AGBL1: variants seen among roughly 807,000 people sequenced by gnomAD.
AGBL1 encodes the protein cytosolic carboxypeptidase 4.
A neutral mutation model predicts 118.9 loss-of-function variants in AGBL1; 130 were observed. That is an observed-to-expected ratio of 1.09 (90% CI 0.95 to 1.26). The LOEUF is 1.26. AGBL1 is among the 50% of genes most tolerant of loss of function. The pLI is 0.00. For synonymous variants in AGBL1, 555 were observed against 478.9 expected (o/e 1.16, Z -2.08); for missense variants, 1,584 against 1,298.1 (o/e 1.22, Z -3.38).
chr15:86,569,414 A>G lies in AGBL1; in HGVS notation c.2994+14877A>G, dbSNP rs544805932. ...GTCTCAAAGAAAAAGAAAACAAGGA[A>G]AAAAAAAAAAAGAGAGAAATCCGGA... On this transcript the variant is annotated intron_variant, in intron 21 of 22. Coordinates refer to ENST00000614907, the MANE Select transcript of AGBL1 (RefSeq NM_001386094.1). 4.5e-3 allele frequency among the ~76,000 whole-genome samples: 667 copies of G among 149,800 alleles called. 11 individuals carry two copies. Among genetic ancestry groups the G allele is most frequent in the African/African-American group, 0.016 (635 of 40,672 alleles).
intron 23 of AGBL1, among the ~76,000 whole-genome samples, chr15:86,941,647 G>A (rs1259402342): frequency 1.3e-5 from 2 of 152,144 alleles, no homozygotes; most frequent in African/African-American, 4.8e-5. Flanking sequence ...TAGGCCCTTT[G>A]GAATTTGCTG....
At chr15:86,258,426 G>T (rs897375751) in intron 9 of AGBL1, among the ~76,000 whole-genome samples, 1 of 152,116 alleles carries the variant, frequency 6.6e-6, no homozygotes, top group African/African-American at 2.4e-5. Flanking sequence ...CTGCACAGGG[G>T]TGCTGCATTG....
chr15:86,839,391 C>G (rs554855049), intron 22 of AGBL1, among the ~76,000 whole-genome samples: 1 of 152,180 alleles, frequency 6.6e-6, no homozygotes, highest in Non-Finnish European at 1.5e-5. Context: ...TAGGGGCCCT[C>G]ATCCTCTGAA....
At chr15:86,986,443 A>G (rs1468300452) in intron 23 of AGBL1, among the ~76,000 whole-genome samples, 1 of 152,184 alleles carries the variant, frequency 6.6e-6, no homozygotes, top group Non-Finnish European at 1.5e-5. Flanking sequence ...GAAATCAGAT[A>G]GTCTTTCAAC....
chr15:86,791,631 G>T (rs1439843239), intron 22 of AGBL1, among the ~76,000 whole-genome samples: 4 of 151,784 alleles, frequency 2.6e-5, no homozygotes, highest in East Asian at 3.9e-4. Context: ...AGTTTCTTGG[G>T]TATCTAAATC....
chr15:86,484,168 T>G (rs1469088114), intron 18 of AGBL1, among the ~76,000 whole-genome samples: 2 of 152,082 alleles, frequency 1.3e-5, no homozygotes, highest in Non-Finnish European at 2.9e-5. Flanking sequence ...ATACTTTCTC[T>G]CCCCTCAAGC....
At chr15:86,420,918 T>A (rs1381434706) in intron 18 of AGBL1, among the ~76,000 whole-genome samples, 1 of 152,068 alleles carries the variant, frequency 6.6e-6, no homozygotes, top group East Asian at 1.9e-4. Context: ...GAAAAAAGAA[T>A]GAAAAGGAGT....
chr15:86,451,954 C>T (rs2082198659), intron 18 of AGBL1, among the ~76,000 whole-genome samples: 1 of 152,078 alleles, frequency 6.6e-6, no homozygotes, highest in Non-Finnish European at 1.5e-5. Flanking sequence ...TTGTCTTTTA[C>T]CAACATTGAT....
chr15:86,662,637 C>T (rs1221952520), intron 21 of AGBL1, among the ~76,000 whole-genome samples: 1 of 152,236 alleles, frequency 6.6e-6, no homozygotes, highest in African/African-American at 2.4e-5. Context: ...ATGCCACCTT[C>T]ATTGATAAAA....
At chr15:86,773,895 A>G (rs2078216304) in intron 22 of AGBL1, among the ~76,000 whole-genome samples, 1 of 152,124 alleles carries the variant, frequency 6.6e-6, no homozygotes, top group African/African-American at 2.4e-5. Flanking sequence ...AGCCTCTGAC[A>G]GATGGGAACC....
intron 22 of AGBL1, among the ~76,000 whole-genome samples, chr15:86,744,419 A>G (rs948056471): frequency 2.0e-5 from 3 of 152,118 alleles, no homozygotes; most frequent in Non-Finnish European, 4.4e-5. Context: ...GTGATCTGCT[A>G]TTGAAGCTGG....
At chr15:86,268,835 G>A (rs866189495) in intron 13 of AGBL1, among the ~76,000 whole-genome samples, 17 of 152,232 alleles carry the variant, frequency 1.1e-4, no homozygotes, top group Non-Finnish European at 7.4e-5. Context: ...CAAGCTCAGC[G>A]TTTCATAAAT....
In AGBL1 at chr15:86,217,535, A is replaced by T. The variant is rs1282832886; in HGVS notation, c.489-7379A>T. On this transcript the variant is annotated intron_variant, in intron 5 of 22. Transcript: ENST00000614907. ...CTAAATTGTGCAATGAGAAAAGAGGAAAAAAGGATGAATGTACCTAACAGA... is the reference window on the plus strand; with the variant it reads ...CTAAATTGTGCAATGAGAAAAGAGGTAAAAAGGATGAATGTACCTAACAGA... Among the ~76,000 whole-genome samples the T allele has an allele frequency of 2.0e-5, 3 of 152,196 alleles. No individual in the cohort carries two copies. The East Asian group carries it at 5.8e-4, about 29-fold the overall frequency.
At chr15:86,514,735 C>A (rs919556847) in intron 18 of AGBL1, among the ~76,000 whole-genome samples, 1 of 152,108 alleles carries the variant, frequency 6.6e-6, no homozygotes, top group Non-Finnish European at 1.5e-5. Context: ...CCCATGTCCA[C>A]CCCATGTCCA....
chr15:86,788,748 G>C (rs1190886290), intron 22 of AGBL1, among the ~76,000 whole-genome samples: 3 of 152,178 alleles, frequency 2.0e-5, no homozygotes, highest in Non-Finnish European at 4.4e-5. Flanking sequence ...AAAGTGTTGA[G>C]GAATGGATCT....
chr15:86,589,148 T>C (rs1382188724), intron 21 of AGBL1, among the ~76,000 whole-genome samples: 1 of 152,172 alleles, frequency 6.6e-6, no homozygotes, highest in Non-Finnish European at 1.5e-5. Context: ...AATGAAGTAC[T>C]CATTACTTAG....
At chr15:86,262,941 T>C in intron 10 of AGBL1, 47 bp downstream of exon 10, 1 of 1,431,944 alleles carries the variant, frequency 7.0e-7, no homozygotes, top group Non-Finnish European at 9.7e-7. Context: ...CATGATGGGT[T>C]CTTTGCAGAT....
intron 21 of AGBL1, among the ~76,000 whole-genome samples, chr15:86,563,172 T>C (rs1314196477): frequency 2.6e-5 from 4 of 152,318 alleles, no homozygotes; most frequent in Non-Finnish European, 5.9e-5. Context: ...TAGTTATTTC[T>C]TGCCTTCTGC....
chr15:86,140,512 A>T (rs7164973), intron 1 of AGBL1, among the ~76,000 whole-genome samples: 4,530 of 152,294 alleles, frequency 0.03, 89 homozygotes, highest in Middle Eastern at 0.085. Context: ...GGAAAGATAT[A>T]TACACAAAAC....
Sources: allele counts gnomAD v4.1 joint callset (sites outside exome capture counted in the v4.1 genomes callset), GRCh38; gene constraint gnomAD v4.1.1; transcripts MANE v1.5; gene names NCBI Gene and HGNC (gene_info 2026-07-23, HGNC 2026-07-21).